Variants in ULK4 observed in about 807,000 individuals in gnomAD.
ULK4 encodes unc-51 like kinase 4.
ULK4 carries 133 observed loss-of-function variants against 160.6 expected under a neutral mutation model. The ratio of observed to expected loss-of-function variants is 0.83; its 90% CI spans 0.72 to 0.96. The LOEUF is 0.96. Ranked by LOEUF, ULK4 falls within the 40% of genes least tolerant of loss-of-function variation. The pLI, the probability that ULK4 is intolerant of heterozygous loss-of-function variation, is 0.00. For missense variants in ULK4, 1,580 were observed against 1,499.5 expected (o/e 1.05, Z -0.89); for synonymous variants, 534 against 539.8 (o/e 0.99, Z 0.15).
chr3:41,754,984 T>C (rs1221644628), intron 21 of ULK4, among the ~76,000 whole-genome samples: 1 of 152,168 alleles, frequency 6.6e-6, no homozygotes, highest in African/African-American at 2.4e-5. Context: ...CAAAGAAACG[T>C]ATACTCCTAT....
intron 17 of ULK4, among the ~76,000 whole-genome samples, chr3:41,849,913 T>C (rs561852852): frequency 3.9e-5 from 6 of 152,304 alleles, no homozygotes; most frequent in South Asian, 4.1e-4. Flanking sequence ...GCTGCACCCA[T>C]TAACTCGTCA....
intron 5 of ULK4, among the ~76,000 whole-genome samples, chr3:41,927,675 C>CAA (rs35242579): frequency 0.044 from 5,178 of 118,246 alleles, 181 homozygotes; most frequent in Non-Finnish European, 0.063. Context: ...AAATGGAAAG[C>CAA]AAAAAAAAAA....
chr3:41,811,148 T>C (rs1296126861), intron 19 of ULK4, among the ~76,000 whole-genome samples: 1 of 151,974 alleles, frequency 6.6e-6, no homozygotes, highest in South Asian at 2.1e-4. Flanking sequence ...AGCCCTCCCA[T>C]AGTGCTGGGA....
intron 19 of ULK4, among the ~76,000 whole-genome samples, chr3:41,813,628 T>C (rs1403110535): frequency 6.6e-6 from 1 of 152,242 alleles, no homozygotes; most frequent in East Asian, 1.9e-4. Flanking sequence ...GCAAGTAAGT[T>C]AAATCTCTTG....
intron 30 of ULK4, among the ~76,000 whole-genome samples, chr3:41,651,158 T>C (rs781256244): frequency 3.3e-5 from 5 of 152,178 alleles, no homozygotes; most frequent in Non-Finnish European, 5.9e-5. Flanking sequence ...TAATCCTCTG[T>C]CCTCATCATA....
intron 18 of ULK4, among the ~76,000 whole-genome samples, chr3:41,829,531 G>C (rs1461989001): frequency 1.1e-4 from 17 of 152,128 alleles, no homozygotes; most frequent in Middle Eastern, 3.4e-3. Flanking sequence ...GCAGCCAAAA[G>C]ACACATGAAA....
chr3:41,705,701 G>A (rs556462251), intron 25 of ULK4, among the ~76,000 whole-genome samples: 61 of 152,072 alleles, frequency 4.0e-4, no homozygotes, highest in African/African-American at 1.4e-3. Context: ...TCTCATGTTG[G>A]TCACGCTGGT....
intron 2 of ULK4, among the ~76,000 whole-genome samples, chr3:41,947,833 A>G (rs894396595): frequency 2.0e-5 from 3 of 152,174 alleles, no homozygotes; most frequent in South Asian, 4.1e-4. Context: ...TAAGCTCAAA[A>G]GTACAGGATC....
chr3:41,601,026 C>T (rs913157573), intron 31 of ULK4, among the ~76,000 whole-genome samples: 24 of 152,152 alleles, frequency 1.6e-4, no homozygotes, highest in Admixed American at 3.3e-4. Flanking sequence ...ATTTAAAAAA[C>T]GAATAAGATG....
intron 34 of ULK4, among the ~76,000 whole-genome samples, chr3:41,429,400 T>C (rs2082850979): frequency 6.6e-6 from 1 of 152,234 alleles, no homozygotes; most frequent in African/African-American, 2.4e-5. Context: ...TATTACTGCG[T>C]ATATACTCAA....
At chr3:41,911,974 G>A (rs1203599648) in intron 9 of ULK4, among the ~76,000 whole-genome samples, 1 of 151,844 alleles carries the variant, frequency 6.6e-6, no homozygotes, top group African/African-American at 2.4e-5. Context: ...GCAACATAGT[G>A]AGACCTTGTC....
In ULK4 at chr3:41,908,523, G is replaced by A. The variant is rs187391986; in HGVS notation, c.1086-582C>T. ...TGCAGTGGCACGATCTCGGCTCACT[G>A]CAACCTCCACCTCCTGGGTTCAAGC... On this transcript the variant is annotated intron_variant, in intron 11 of 36. Transcript: ENST00000301831. Among the ~76,000 whole-genome samples, 32 of 151,996 alleles carry A rather than the reference G, an allele frequency of 2.1e-4. 1 individual carries two copies. In the East Asian group the frequency reaches 5.8e-3, roughly 28 times the overall value.
chr3:41,514,546 T>C (rs2085689640), intron 32 of ULK4, among the ~76,000 whole-genome samples: 1 of 151,998 alleles, frequency 6.6e-6, no homozygotes, highest in Admixed American at 6.5e-5. Context: ...TGTCCATTAG[T>C]GAATAAATGG....
intron 35 of ULK4, among the ~76,000 whole-genome samples, chr3:41,251,759 T>C (rs1172699609): frequency 6.6e-6 from 1 of 152,242 alleles, no homozygotes; most frequent in Non-Finnish European, 1.5e-5. Flanking sequence ...CAGATCTCTA[T>C]TCTTTCTCTG....
intron 35 of ULK4, among the ~76,000 whole-genome samples, chr3:41,387,987 C>T (rs1473417835): frequency 6.6e-6 from 1 of 152,190 alleles, no homozygotes; most frequent in Non-Finnish European, 1.5e-5. Flanking sequence ...TACAGTCACA[C>T]CAACAGTGTA....
intron 35 of ULK4, among the ~76,000 whole-genome samples, chr3:41,388,935 G>T (rs1238491039): frequency 1.3e-4 from 20 of 152,130 alleles, no homozygotes; most frequent in Non-Finnish European, 2.8e-4. Context: ...GCTTGATGGG[G>T]ATGGCATTGA....
intron 19 of ULK4, among the ~76,000 whole-genome samples, chr3:41,811,621 T>C (rs983505122): frequency 2.3e-4 from 35 of 152,222 alleles, no homozygotes; most frequent in African/African-American, 8.2e-4. Context: ...TTTTTGTTCA[T>C]TATTCACGGA....
chr3:41,573,776 C>T (rs536591351), intron 31 of ULK4, among the ~76,000 whole-genome samples: 18 of 152,300 alleles, frequency 1.2e-4, no homozygotes, highest in African/African-American at 3.8e-4. Flanking sequence ...TGTACAATGG[C>T]GCCAAAGTGC....
intron 30 of ULK4, among the ~76,000 whole-genome samples, chr3:41,646,219 A>T (rs1456469849): frequency 1.3e-5 from 2 of 152,136 alleles, no homozygotes; most frequent in Admixed American, 6.6e-5. Context: ...TTATGTGTGA[A>T]TTTGATCCTG....
Sources: gnomAD v4.1 joint callset for allele counts (sites outside exome capture counted in the v4.1 genomes callset) on GRCh38, gnomAD v4.1.1 for gene constraint, MANE v1.5 for transcripts, NCBI Gene and HGNC (gene_info 2026-07-23, HGNC 2026-07-21) for gene names.